Variants in CLIP4 observed in about 807,000 individuals in gnomAD.
The protein encoded by CLIP4 is CAP-Gly domain-containing linker protein 4.
A neutral mutation model predicts 73.1 loss-of-function variants in CLIP4; 47 were observed. The ratio of observed to expected loss-of-function variants is 0.64; its 90% CI spans 0.51 to 0.82. The LOEUF is 0.82. CLIP4 is among the 40% of genes least tolerant of loss of function. CLIP4 has a pLI of 0.00. For synonymous variants in CLIP4, 306 were observed against 295.4 expected (o/e 1.04, Z -0.37); for missense variants, 874 against 852.9 (o/e 1.02, Z -0.31).
chr2:29,177,744 T>C (rs1668428019), intron 15 of CLIP4, among the ~76,000 whole-genome samples: 1 of 152,226 alleles, frequency 6.6e-6, no homozygotes, highest in African/African-American at 2.4e-5. Context: ...TTCTGTACTG[T>C]ATACAGTCTT....
intron 12 of CLIP4, among the ~76,000 whole-genome samples, chr2:29,163,073 C>A (rs547519927): frequency 4.6e-5 from 7 of 151,908 alleles, no homozygotes; most frequent in African/African-American, 1.7e-4. Context: ...ATTAGAAAAT[C>A]CTTATTTTAG....
chr2:29,164,739 C>T (rs890951835), intron 13 of CLIP4, among the ~76,000 whole-genome samples: 3 of 152,192 alleles, frequency 2.0e-5, no homozygotes, highest in Admixed American at 6.5e-5. Flanking sequence ...TACAACTAGA[C>T]TGTTGTGACT....
intron 8 of CLIP4, among the ~76,000 whole-genome samples, chr2:29,148,521 C>A (rs3099559): frequency 0.88 from 134,318 of 152,254 alleles, 59,404 homozygotes; most frequent in Non-Finnish European, 0.91. Flanking sequence ...TTAGTTTACT[C>A]AAGTCAGATT....
At chr2:29,157,764 G>GTGAACC (rs1667024825) in intron 11 of CLIP4, among the ~76,000 whole-genome samples, 1 of 152,180 alleles carries the variant, frequency 6.6e-6, no homozygotes, top group Non-Finnish European at 1.5e-5. Flanking sequence ...TTAACTAGCC[G>GTGAACC]TGAACCTGCA....
chr2:29,100,066 AT>A (rs1362202417), intron 1 of CLIP4, among the ~76,000 whole-genome samples: 2 of 152,044 alleles, frequency 1.3e-5, no homozygotes, highest in Non-Finnish European at 2.9e-5. Flanking sequence ...CTGTTTATTT[AT>A]TTTGAGACAA....
chr2:29,107,666 G>T (rs1028774165), intron 1 of CLIP4, among the ~76,000 whole-genome samples: 1 of 151,258 alleles, frequency 6.6e-6, no homozygotes, highest in Non-Finnish European at 1.5e-5. Flanking sequence ...GAGCCACCAC[G>T]CCTGGCTGAG....
intron 12 of CLIP4, among the ~76,000 whole-genome samples, chr2:29,163,183 C>A (rs968962922): frequency 6.6e-6 from 1 of 151,890 alleles, no homozygotes; most frequent in African/African-American, 2.4e-5. Flanking sequence ...CTGTTATTTC[C>A]TTCAGAGTAG....
intron 6 of CLIP4, among the ~76,000 whole-genome samples, chr2:29,137,667 A>G (rs544883803): frequency 3.9e-5 from 6 of 152,172 alleles, no homozygotes; most frequent in South Asian, 4.2e-4. Context: ...TTTCTCCACA[A>G]CCTCACCAAG....
At chr2:29,168,679 C>T (rs13000274) in intron 14 of CLIP4, among the ~76,000 whole-genome samples, 3,918 of 151,712 alleles carry the variant, frequency 0.026, 62 homozygotes, top group African/African-American at 0.039. Flanking sequence ...CCTGCCACCA[C>T]GCCCGGCTAA....
chr2:29,149,259 G>A (rs928049887), intron 8 of CLIP4, among the ~76,000 whole-genome samples: 9 of 152,176 alleles, frequency 5.9e-5, no homozygotes, highest in African/African-American at 1.9e-4. Context: ...TGAGCTTCCA[G>A]TGTTGCTGTT....
At chr2:29,171,170 T>C (rs1438899450) in intron 14 of CLIP4, among the ~76,000 whole-genome samples, 1 of 152,236 alleles carries the variant, frequency 6.6e-6, no homozygotes, top group Non-Finnish European at 1.5e-5. Flanking sequence ...TTGCATTGAC[T>C]ATATAGATCA....
At chr2:29,102,436 C>G (rs574833043) in intron 1 of CLIP4, among the ~76,000 whole-genome samples, 32 of 152,200 alleles carry the variant, frequency 2.1e-4, no homozygotes, top group African/African-American at 7.7e-4. Context: ...TTCTTTGCCC[C>G]CACTCCTACT....
chr2:29,111,293 A>C (rs1668381038), upstream of CLIP4, among the ~76,000 whole-genome samples: 1 of 152,218 alleles, frequency 6.6e-6, no homozygotes, highest in African/African-American at 2.4e-5. Flanking sequence ...GGTGTGTTGA[A>C]AACAGTTCAT....
intron 14 of CLIP4, among the ~76,000 whole-genome samples, chr2:29,170,732 T>G (rs1423416236): frequency 6.6e-6 from 1 of 152,220 alleles, no homozygotes; most frequent in South Asian, 2.1e-4. Flanking sequence ...TATAGTTTTG[T>G]GTCTTATAAG....
intron 15 of CLIP4, chr2:29,174,827 C>A: frequency 2.8e-6 from 1 of 354,800 alleles, no homozygotes; most frequent in Non-Finnish European, 4.0e-6. Flanking sequence ...CGTAATCTTG[C>A]AGTTATTTTG....
At chr2:29,148,690 T>C (rs1666340407) in intron 8 of CLIP4, among the ~76,000 whole-genome samples, 1 of 152,232 alleles carries the variant, frequency 6.6e-6, no homozygotes, top group African/African-American at 2.4e-5. Flanking sequence ...TGAATCTCTC[T>C]TGATTTTTCC....
At chr2:29,145,148 C>A in intron 7 of CLIP4, 84 bp from the exon 8 acceptor site, 2 of 1,191,490 alleles carry the variant, frequency 1.7e-6, no homozygotes, top group Non-Finnish European at 2.3e-6. Context: ...TTAAAAACTC[C>A]CATGGTGAAG....
At chr2:29,121,843 T>C (rs1313301595) in intron 2 of CLIP4, among the ~76,000 whole-genome samples, 1 of 152,210 alleles carries the variant, frequency 6.6e-6, no homozygotes, top group African/African-American at 2.4e-5. Flanking sequence ...TTTGGTTAAA[T>C]ATACTGACTT....
At chr2:29,155,736 T>A (rs182677993) in intron 9 of CLIP4, among the ~76,000 whole-genome samples, 18 of 152,332 alleles carry the variant, frequency 1.2e-4, no homozygotes, top group African/African-American at 4.1e-4. Context: ...TGGACTATGC[T>A]AATAATGTCT....
Sources: allele counts gnomAD v4.1 joint callset (sites outside exome capture counted in the v4.1 genomes callset), GRCh38; gene constraint gnomAD v4.1.1; transcripts MANE v1.5; gene names NCBI Gene and HGNC (gene_info 2026-07-23, HGNC 2026-07-21).